LRMDA: variants seen among roughly 807,000 people sequenced by gnomAD.
LRMDA encodes the protein leucine rich melanocyte differentiation associated.
In LRMDA, 18 loss-of-function variants were observed where a neutral mutation model predicts 29.8. That is an observed-to-expected ratio of 0.60 (90% CI 0.42 to 0.90). The LOEUF is 0.90. Among genes scored for constraint, LRMDA ranks in the 40% least tolerant of loss-of-function variants. The pLI, the probability that LRMDA is intolerant of heterozygous loss-of-function variation, is 0.00. For synonymous variants in LRMDA, 125 were observed against 109.4 expected (o/e 1.14, Z -0.89); for missense variants, 273 against 273.9 (o/e 1.00, Z 0.02).
chr10:75,677,955 A>G (rs1186317020), intron 2 of LRMDA, among the ~76,000 whole-genome samples: 2 of 152,320 alleles, frequency 1.3e-5, no homozygotes, highest in East Asian at 3.9e-4. Flanking sequence ...GATGGTAAAG[A>G]TTCAGTGTCA....
chr10:75,493,348 G>GGGGT (rs1554894323), intron 2 of LRMDA, among the ~76,000 whole-genome samples: 35 of 133,350 alleles, frequency 2.6e-4, no homozygotes, highest in Middle Eastern at 7.4e-3. Flanking sequence ...GTTGAGATTG[G>GGGGT]GTGTGTGTGT....
chr10:75,873,700 T>A (rs1589236569), intron 2 of LRMDA, among the ~76,000 whole-genome samples: 2 of 152,308 alleles, frequency 1.3e-5, no homozygotes, highest in Middle Eastern at 3.4e-3. Flanking sequence ...AGTGCATAAT[T>A]ATTATTTAGT....
At chr10:76,299,156 CGTGTGTGT>C (rs111635114) in intron 5 of LRMDA, among the ~76,000 whole-genome samples, 32 of 147,316 alleles carry the variant, frequency 2.2e-4, no homozygotes, top group South Asian at 9.0e-4. Flanking sequence ...AGAGAAGAGC[CGTGTGTGT>C]GTGTGTGTGT....
chr10:75,850,998 A>T (rs892293172), intron 2 of LRMDA, among the ~76,000 whole-genome samples: 21 of 152,234 alleles, frequency 1.4e-4, no homozygotes, highest in Non-Finnish European at 4.4e-5. Flanking sequence ...AGCTTTAAAA[A>T]AAATTGTTTT....
intron 6 of LRMDA, among the ~76,000 whole-genome samples, chr10:76,476,597 A>G (rs1284611459): frequency 6.6e-6 from 1 of 152,152 alleles, no homozygotes; most frequent in East Asian, 1.9e-4. Flanking sequence ...GACACAATAA[A>G]AAAAGAGAAT....
intron 6 of LRMDA, among the ~76,000 whole-genome samples, chr10:76,443,854 C>A (rs995852338): frequency 3.3e-5 from 5 of 152,148 alleles, no homozygotes; most frequent in African/African-American, 9.7e-5. Flanking sequence ...TTAAAATTAA[C>A]TTAATATTAC....
intron 5 of LRMDA, among the ~76,000 whole-genome samples, chr10:76,185,197 C>T (rs1442316081): frequency 6.6e-6 from 1 of 152,174 alleles, no homozygotes; most frequent in Non-Finnish European, 1.5e-5. Flanking sequence ...ATGTTTGCAA[C>T]CTGTTCTGTG....
intron 2 of LRMDA, among the ~76,000 whole-genome samples, chr10:75,724,121 C>G (rs1412902725): frequency 6.6e-6 from 1 of 152,112 alleles, no homozygotes; most frequent in African/African-American, 2.4e-5. Flanking sequence ...GGGTACAGGA[C>G]TTATGACAGG....
chr10:76,209,546 C>A (rs901581773), intron 5 of LRMDA, among the ~76,000 whole-genome samples: 5 of 152,206 alleles, frequency 3.3e-5, no homozygotes, highest in African/African-American at 1.2e-4. Context: ...CATACAAACA[C>A]CTGCAGAGCT....
chr10:76,037,046 T>C lies in LRMDA; in HGVS notation c.258+912T>C, dbSNP rs1408574430. 3.3e-5 allele frequency among the ~76,000 whole-genome samples: 5 copies of C among 152,242 alleles called. No homozygotes were observed. The East Asian group carries it at 5.8e-4, about 18-fold the overall frequency. ...ATTGAGCACTCCTAGGAATGAGGCA[T>C]GGTGCTGGGTTCTTTATGTGTGTTG... On this transcript the variant is annotated intron_variant, in intron 3 of 6. Transcript: ENST00000611255.
At chr10:76,339,006 A>G (rs911003078) in intron 6 of LRMDA, among the ~76,000 whole-genome samples, 2 of 152,210 alleles carry the variant, frequency 1.3e-5, no homozygotes, top group African/African-American at 4.8e-5. Flanking sequence ...AGAAAAAACT[A>G]ACAAAGTCAC....
At chr10:75,931,351 C>T (rs1299782069) in intron 2 of LRMDA, among the ~76,000 whole-genome samples, 1 of 152,158 alleles carries the variant, frequency 6.6e-6, no homozygotes, top group African/African-American at 2.4e-5. Flanking sequence ...ATATAAATAA[C>T]TGTTCATGTG....
intron 5 of LRMDA, among the ~76,000 whole-genome samples, chr10:76,091,775 T>A (rs903791604): frequency 1.3e-5 from 2 of 152,044 alleles, no homozygotes; most frequent in Admixed American, 1.3e-4. Flanking sequence ...AACCTCAAAC[T>A]CCTGGGCTCA....
At chr10:76,416,085 C>T (rs1842011285) in intron 6 of LRMDA, among the ~76,000 whole-genome samples, 1 of 152,218 alleles carries the variant, frequency 6.6e-6, no homozygotes, top group South Asian at 2.1e-4. Context: ...CAGATAAATA[C>T]TGAGACTTAG....
At chr10:75,732,878 A>G (rs924602601) in intron 2 of LRMDA, among the ~76,000 whole-genome samples, 1 of 152,218 alleles carries the variant, frequency 6.6e-6, no homozygotes, top group Admixed American at 6.5e-5. Context: ...GAGCATGTTG[A>G]AAAAAGCTGA....
chr10:76,370,124 A>C (rs111689597), intron 6 of LRMDA, among the ~76,000 whole-genome samples: 2,349 of 7,388 alleles, frequency 0.32, 38 homozygotes, highest in Middle Eastern at 0.5. Context: ...ATTTTATGCC[A>C]GCAAAAAAAG....
At chr10:75,847,040 A>G (rs1844650900) in intron 2 of LRMDA, among the ~76,000 whole-genome samples, 1 of 152,194 alleles carries the variant, frequency 6.6e-6, no homozygotes, top group Non-Finnish European at 1.5e-5. Context: ...GGAACCCTGA[A>G]TAGTCCAAAC....
intron 5 of LRMDA, among the ~76,000 whole-genome samples, chr10:76,323,678 AAG>A (rs1340606816): frequency 6.6e-6 from 1 of 152,174 alleles, no homozygotes; most frequent in Non-Finnish European, 1.5e-5. Context: ...GGGTTCTGAA[AAG>A]AGAGCCTTAG....
intron 6 of LRMDA, among the ~76,000 whole-genome samples, chr10:76,376,399 A>T (rs1841518418): frequency 6.6e-6 from 1 of 152,130 alleles, no homozygotes; most frequent in Admixed American, 6.6e-5. Context: ...CTATCTATAC[A>T]TACATACAAA....
Sources: gnomAD v4.1 joint callset for allele counts (sites outside exome capture counted in the v4.1 genomes callset) on GRCh38, gnomAD v4.1.1 for gene constraint, MANE v1.5 for transcripts, NCBI Gene and HGNC (gene_info 2026-07-23, HGNC 2026-07-21) for gene names.